Variants in GRAMD1B observed in about 807,000 individuals in gnomAD.
GRAMD1B encodes the protein protein Aster-B.
Under a neutral mutation model 99.7 loss-of-function variants are expected in GRAMD1B, and 37 were observed. The ratio of observed to expected loss-of-function variants is 0.37; its 90% CI spans 0.29 to 0.49. The LOEUF (loss-of-function observed/expected upper bound fraction) is 0.49, where lower values mean the gene tolerates loss of function less well. GRAMD1B is among the 20% of genes least tolerant of loss of function. The pLI is 0.98. For missense variants in GRAMD1B, 888 were observed against 1,009.2 expected, an observed-to-expected ratio of 0.88 and a Z score of 1.63; for synonymous variants, 427 against 387.6, an observed-to-expected ratio of 1.10 and a Z score of -1.19.
At chr11:123,553,936 CA>C (rs1166987372) in intron 2 of GRAMD1B, among the ~76,000 whole-genome samples, 1 of 152,164 alleles carries the variant, frequency 6.6e-6, no homozygotes, top group African/African-American at 2.4e-5. Flanking sequence ...AAACTTTGGT[CA>C]GATGTTGACC....
In GRAMD1B at chr11:123,545,085, G is replaced by C. The variant is rs368697530; in HGVS notation, c.453-32282G>C. 3.3e-4 allele frequency among the ~76,000 whole-genome samples: 50 copies of C among 152,282 alleles called. No individual in the cohort carries two copies. The South Asian group carries it at 9.7e-3, about 30-fold the overall frequency. On this transcript the variant is annotated intron_variant, in intron 2 of 19. Coordinates refer to ENST00000635736, the MANE Select transcript of GRAMD1B (RefSeq NM_001387025.1). ...CTCCTCTGAAGGCAGCCTTGTCACC[G>C]AGGCTAAGGGACAGAATTGCCTCAC...
At chr11:123,385,718 G>T in intron 1 of GRAMD1B, among the ~76,000 whole-genome samples, 1 of 152,124 alleles carries the variant, frequency 6.6e-6, no homozygotes, top group East Asian at 1.9e-4. Flanking sequence ...CTTCTTGAGG[G>T]CAGGGACCAT....
At chr11:123,540,187 TC>T (rs1305130390) in intron 2 of GRAMD1B, among the ~76,000 whole-genome samples, 1 of 151,742 alleles carries the variant, frequency 6.6e-6, no homozygotes, top group Non-Finnish European at 1.5e-5. Flanking sequence ...CACCTCAGCC[TC>T]CCAAGTGGCT....
chr11:123,556,181 G>A (rs1452910910), intron 2 of GRAMD1B, among the ~76,000 whole-genome samples: 1 of 152,188 alleles, frequency 6.6e-6, no homozygotes, highest in Non-Finnish European at 1.5e-5. Flanking sequence ...CTTCAGAAAA[G>A]CACTCGTGAT....
intron 1 of GRAMD1B, among the ~76,000 whole-genome samples, chr11:123,466,616 G>A (rs1355827729): frequency 2.6e-5 from 4 of 152,124 alleles, no homozygotes; most frequent in Non-Finnish European, 5.9e-5. Flanking sequence ...CTCTGCATTG[G>A]GAAGCAAGAG....
At chr11:123,549,893 GA>G (rs2135837379) in intron 2 of GRAMD1B, among the ~76,000 whole-genome samples, 1 of 152,230 alleles carries the variant, frequency 6.6e-6, no homozygotes, top group Admixed American at 6.5e-5. Flanking sequence ...GAGGGTGACT[GA>G]GCAGGCTGAC....
chr11:123,525,719 C>G (rs191851538), intron 2 of GRAMD1B: 2 of 201,132 alleles, frequency 9.9e-6, no homozygotes, highest in Admixed American at 1.1e-4. Context: ...CCCAGGGTCT[C>G]CTTGGCTTCC....
intron 1 of GRAMD1B, among the ~76,000 whole-genome samples, chr11:123,472,122 A>C (rs1951044987): frequency 6.6e-6 from 1 of 151,686 alleles, no homozygotes; most frequent in Middle Eastern, 3.2e-3. Context: ...CATCCCAGCT[A>C]CTCAGGAGGC....
chr11:123,422,514 A>G (rs777865797), intron 1 of GRAMD1B, among the ~76,000 whole-genome samples: 3 of 152,218 alleles, frequency 2.0e-5, no homozygotes, highest in Non-Finnish European at 4.4e-5. Context: ...CATAATATGT[A>G]AAGGCTAATA....
At chr11:123,362,263 C>G (rs1389616620) in intron 1 of GRAMD1B, among the ~76,000 whole-genome samples, 1 of 152,232 alleles carries the variant, frequency 6.6e-6, no homozygotes, top group Non-Finnish European at 1.5e-5. Context: ...TTGGTTTCAT[C>G]AGCCATTCTA....
chr11:123,362,111 T>C (rs925815382), intron 1 of GRAMD1B, among the ~76,000 whole-genome samples: 1 of 152,216 alleles, frequency 6.6e-6, no homozygotes, highest in African/African-American at 2.4e-5. Flanking sequence ...TAGGTGTTCC[T>C]TAAACCAACA....
At chr11:123,573,098 G>T (rs1285245382) in intron 2 of GRAMD1B, among the ~76,000 whole-genome samples, 1 of 151,180 alleles carries the variant, frequency 6.6e-6, no homozygotes, top group East Asian at 2.0e-4. Flanking sequence ...GGCCCCGATG[G>T]CTGGGGCAGG....
At chr11:123,445,481 G>A (rs549467472) in intron 1 of GRAMD1B, among the ~76,000 whole-genome samples, 5 of 152,000 alleles carry the variant, frequency 3.3e-5, no homozygotes, top group East Asian at 3.9e-4. Flanking sequence ...CAGTGTCTAC[G>A]ATGAACCACA....
chr11:123,523,038 G>C (rs1181577765), intron 2 of GRAMD1B, among the ~76,000 whole-genome samples: 1 of 152,074 alleles, frequency 6.6e-6, no homozygotes, highest in Non-Finnish European at 1.5e-5. Context: ...GCAAATTAAG[G>C]CACTACAGTT....
In GRAMD1B at chr11:123,450,744, T is replaced by C. The variant is rs76473670; in HGVS notation, c.374+19578T>C. Among the ~76,000 whole-genome samples, 1,400 of 152,270 alleles carry C rather than the reference T, an allele frequency of 9.2e-3. 27 individuals carry two copies. The highest frequency in any genetic ancestry group is 0.032 in the African/African-American group (1,328 of 41,554). On this transcript the variant is annotated intron_variant, in intron 1 of 19. Transcript: ENST00000635736. ...CTTCATTGGATTTGTGTGGGCACTT[T>C]GGAATGCAGATGCATTTGGTGCTCT...
chr11:123,388,104 C>T (rs1181177080), intron 1 of GRAMD1B, among the ~76,000 whole-genome samples: 6 of 123,152 alleles, frequency 4.9e-5, no homozygotes, highest in South Asian at 2.5e-4. Context: ...CCAGCCTAGG[C>T]GACAAAAGCG....
chr11:123,543,422 T>C (rs916734344), intron 2 of GRAMD1B, among the ~76,000 whole-genome samples: 5 of 152,242 alleles, frequency 3.3e-5, no homozygotes, highest in African/African-American at 1.2e-4. Flanking sequence ...GGACATTTGC[T>C]ATGAAGGACA....
intron 1 of GRAMD1B, among the ~76,000 whole-genome samples, chr11:123,395,708 G>C (rs77027101): frequency 6.6e-6 from 1 of 152,162 alleles, no homozygotes; most frequent in Non-Finnish European, 1.5e-5. Flanking sequence ...GAGAATCTTT[G>C]TGGGTGAGAC....
intron 1 of GRAMD1B, among the ~76,000 whole-genome samples, chr11:123,461,415 G>T (rs1950407268): frequency 6.6e-6 from 1 of 152,186 alleles, no homozygotes; most frequent in Admixed American, 6.5e-5. Context: ...GGTGGTGCTG[G>T]CCTCTCTGGT....
Sources: allele counts gnomAD v4.1 joint callset (sites outside exome capture counted in the v4.1 genomes callset), GRCh38; gene constraint gnomAD v4.1.1; transcripts MANE v1.5; gene names NCBI Gene and HGNC (gene_info 2026-07-23, HGNC 2026-07-21).